Variants in TMEM106A observed in about 807,000 individuals in gnomAD.
TMEM106A encodes transmembrane protein 106A.
In TMEM106A, 22 loss-of-function variants were observed where a neutral mutation model predicts 25.1. The observed-to-expected ratio is 0.88, with a 90% confidence interval of 0.63 to 1.25. The LOEUF (loss-of-function observed/expected upper bound fraction) is 1.25. Among genes scored for constraint, TMEM106A ranks in the 50% most tolerant of loss-of-function variants. The pLI, the probability that TMEM106A is intolerant of heterozygous loss-of-function variation, is 0.00. For synonymous variants in TMEM106A, 104 were observed against 129.9 expected (o/e 0.80, Z 1.35); for missense variants, 275 against 318.1 (o/e 0.86, Z 1.03).
At chr17:43,216,940 C>T in intron 7 of TMEM106A, 200 bp downstream of exon 7, 1 of 692,960 alleles carries the variant, frequency 1.4e-6, no homozygotes, top group Non-Finnish European at 2.4e-6. Context: ...GAAAAACAGG[C>T]TGGAATTTGG....
Position 43,217,741 on chromosome 17 carries a change from A to G in TMEM106A, c.729A>G (p.Glu243=). 2 of 1,614,188 alleles carry G rather than the reference A, an allele frequency of 1.2e-6. No individual in the cohort carries two copies. Among genetic ancestry groups the G allele is most frequent in the Non-Finnish European group, 1.7e-6 (2 of 1,180,030 alleles). The change falls in exon 9 of 9, where the codon GAA becomes GAG. Residue 243 remains glutamate, a synonymous_variant. Coordinates refer to ENST00000612339, the MANE Select transcript of TMEM106A (RefSeq NM_145041.4). ...HSEQLVFQSY[E]YVDCRGNASV... is the part of the protein sequence containing the mutation. ...AGCAGCTGGTCTTTCAGAGCTATGA[A>G]TATGTGGACTGCCGAGGAAACGCAT...
chr17:43,216,842 G>A, intron 7 of TMEM106A, 102 bp downstream of exon 7: 1 of 1,493,780 alleles, frequency 6.7e-7, no homozygotes, highest in Non-Finnish European at 9.3e-7. Flanking sequence ...TCTTCAGCCA[G>A]CATCTGGCCT....
At chr17:43,216,812 T>C (rs1352635125) in intron 7 of TMEM106A, 72 bp downstream of exon 7, 2 of 1,589,864 alleles carry the variant, frequency 1.3e-6, no homozygotes, top group African/African-American at 2.7e-5. Flanking sequence ...CCCACCAGCT[T>C]TCCTGATTGC....
At position 43,218,863 on chromosome 17, in the gene TMEM106A, C is replaced by T. The variant is rs2057510691; in HGVS notation, c.*1062C>T. 6.6e-6 allele frequency: 1 copy of T among 152,170 alleles called. No homozygotes were observed. The highest frequency in any genetic ancestry group is 2.4e-5 in the African/African-American group (1 of 41,436). 9.4% of individuals were successfully genotyped at this position (152,170 alleles called of 1,614,324 possible). A position where few individuals can be genotyped will look rare whatever the true frequency, so the allele number is the denominator to read the frequency against. On this transcript the variant is annotated 3_prime_UTR_variant, in exon 9 of 9. Transcript: ENST00000612339. ...TAAGATTAGCCAAGGCCCTTTAGCCCTCTGTCCTTTCTGGTTATTGACTGT... is the reference window on the plus strand; with the variant it reads ...TAAGATTAGCCAAGGCCCTTTAGCCTTCTGTCCTTTCTGGTTATTGACTGT...
At chr17:43,213,565 C>T (rs1262378881) in intron 3 of TMEM106A, among the ~76,000 whole-genome samples, 4 of 152,206 alleles carry the variant, frequency 2.6e-5, no homozygotes, top group Admixed American at 6.5e-5. Context: ...TCCAAAGATG[C>T]TGGGCATCTC....
At chr17:43,212,664 C>G (rs2057444866) in intron 2 of TMEM106A, among the ~76,000 whole-genome samples, 1 of 152,186 alleles carries the variant, frequency 6.6e-6, no homozygotes, top group Admixed American at 6.5e-5. Context: ...CTTTTCTGCC[C>G]TATCCAACTT....
rs768377790 is a variant in TMEM106A, at chr17:43,216,598, C to T, written c.570+9C>T. The stretch of plus-strand genomic sequence containing the variant: ...CTTTGGCCAGTGAACAGGTGACTCC[C>T]CTCTCCCTGGCCAGCCCTGCCCACT... On this transcript the variant is annotated intron_variant, in intron 6 of 8. Coordinates refer to ENST00000612339, the MANE Select transcript of TMEM106A (RefSeq NM_145041.4). The T allele has an allele frequency of 3.7e-6, 6 of 1,614,180 alleles. No homozygotes were observed. The highest frequency in any genetic ancestry group is 1.7e-4 in the Middle Eastern group (1 of 6,060).
chr17:43,217,065 G>A (rs1469675579), intron 7 of TMEM106A, 194 bp from the exon 8 acceptor site: 5 of 661,796 alleles, frequency 7.6e-6, no homozygotes, highest in Non-Finnish European at 1.3e-5. Context: ...AGTGAGTGGA[G>A]GTCAGAGTGA....
chr17:43,215,909 T>A lies in TMEM106A; in HGVS notation c.397T>A (p.Phe133Ile), dbSNP rs901761239. 5 of 1,614,000 alleles carry A rather than the reference T, an allele frequency of 3.1e-6. No homozygotes were observed. The African/African-American group carries it at 5.3e-5, about 17-fold the overall frequency. ...PAGLNSSTVA[F>I]DEADIYLNIT... ...AGGCCTCAACTCCTCCACAGTGGCC[T>A]TTGATGAGGCTGATATCTACCTCAA... Residue 133 changes from phenylalanine (F) to isoleucine (I), a missense_variant, in exon 5 of 9, where the codon TTT becomes ATT. Coordinates refer to ENST00000612339, the MANE Select transcript of TMEM106A (RefSeq NM_145041.4).
chr17:43,216,647 G>C (rs1389944615), intron 6 of TMEM106A, 50 bp from the exon 7 acceptor site: 1 of 1,614,080 alleles, frequency 6.2e-7, no homozygotes, highest in African/African-American at 1.3e-5. Flanking sequence ...GTGGTAGTGG[G>C]AAAGGGGCAG....
chr17:43,216,733 AAC>A lies in TMEM106A; in HGVS notation c.611_612del (p.Thr204IlefsTer39), dbSNP rs1417571284. ...AGTAGCTACCAAGATACGGGATGAA[AAC>A]ACATAGTGAGTACCCCTTGATCTCT... ...YAVATKIRDE[N>X]TYKICTWLEI... On this transcript the variant is annotated frameshift_variant, in exon 7 of 9. Coordinates refer to ENST00000612339, the MANE Select transcript of TMEM106A (RefSeq NM_145041.4). LOFTEE classifies it high-confidence loss of function. The A allele has an allele frequency of 4.3e-6, 7 of 1,614,054 alleles. No individual in the cohort carries two copies. In the African/African-American group the frequency reaches 8.0e-5, roughly 18 times the overall value.
chr17:43,216,669 G>T, intron 6 of TMEM106A, 28 bp from the exon 7 acceptor site: 3 of 1,614,200 alleles, frequency 1.9e-6, no homozygotes, highest in Non-Finnish European at 2.5e-6. Context: ...TGGAGTTGGG[G>T]CTAACCCTGT....
intron 7 of TMEM106A, 102 bp from the exon 8 acceptor site, chr17:43,217,157 G>T (rs1247515946): frequency 5.7e-6 from 7 of 1,219,466 alleles, no homozygotes; most frequent in Non-Finnish European, 8.5e-6. Context: ...TGGAAGGAAA[G>T]AGTTCTGTGG....
chr17:43,213,004 T>C lies in TMEM106A; in HGVS notation c.-21-17T>C, dbSNP rs766825125. ...TGCTAACAAGCTTAGCACTGAACTTTGGTCTTTTCTCATTAGTGAAACCCC... is the reference window on the plus strand; with the variant it reads ...TGCTAACAAGCTTAGCACTGAACTTCGGTCTTTTCTCATTAGTGAAACCCC... On this transcript the variant is annotated splice_polypyrimidine_tract_variant and intron_variant, in intron 2 of 8. Coordinates refer to ENST00000612339, the MANE Select transcript of TMEM106A (RefSeq NM_145041.4). The C allele has an allele frequency of 1.9e-6, 3 of 1,606,698 alleles. No individual in the cohort carries two copies. Among genetic ancestry groups the C allele is most frequent in the African/African-American group, 2.7e-5 (2 of 74,752 alleles).
chr17:43,213,693 C>T (rs1188820734), intron 3 of TMEM106A, 135 bp from the exon 4 acceptor site: 1 of 845,596 alleles, frequency 1.2e-6, no homozygotes, highest in Non-Finnish European at 1.9e-6. Flanking sequence ...GCTTCCAGTC[C>T]TGCTCTGGGG....
At chr17:43,213,733 A>G (rs995047020) in intron 3 of TMEM106A, 95 bp from the exon 4 acceptor site, 1 of 1,215,084 alleles carries the variant, frequency 8.2e-7, no homozygotes, top group African/African-American at 1.5e-5. Flanking sequence ...ACATTGCTCT[A>G]TGGTGTGGGT....
intron 5 of TMEM106A, chr17:43,216,148 G>T (rs977197732): frequency 1.7e-5 from 12 of 697,776 alleles, no homozygotes; most frequent in Non-Finnish European, 2.8e-5. Context: ...TCAGAATCCG[G>T]GCCAGATAAG....
chr17:43,216,344 C>A, intron 5 of TMEM106A, 105 bp from the exon 6 acceptor site: 2 of 1,459,954 alleles, frequency 1.4e-6, no homozygotes, highest in Non-Finnish European at 1.9e-6. Flanking sequence ...TGAAGCTTGT[C>A]ATGGTAGATG....
At position 43,216,131 on chromosome 17, in the gene TMEM106A, T is replaced by A. The variant is rs1453167848; in HGVS notation, c.429+190T>A. On this transcript the variant is annotated intron_variant, in intron 5 of 8. Coordinates refer to ENST00000612339, the MANE Select transcript of TMEM106A (RefSeq NM_145041.4). The stretch of plus-strand genomic sequence containing the variant: ...TGGTAAGGATTGGGACTCTACACAG[T>A]AAGGGGTCAGAATCCGGGCCAGATA... 9 of 753,638 alleles carry A rather than the reference T, an allele frequency of 1.2e-5. No homozygotes were observed. The Admixed American group carries it at 2.3e-4, about 19-fold the overall frequency. The allele number at this position is 753,638 out of a possible 1,614,324, so 46.7% of individuals were successfully genotyped here.
Sources: allele counts gnomAD v4.1 joint callset (sites outside exome capture counted in the v4.1 genomes callset), GRCh38; gene constraint gnomAD v4.1.1; transcripts MANE v1.5; gene names NCBI Gene and HGNC (gene_info 2026-07-23, HGNC 2026-07-21).